Variants in MAP4K4 observed in about 807,000 individuals in gnomAD.
MAP4K4 encodes HPK/GCK-like kinase HGK.
Under a neutral mutation model 189.6 loss-of-function variants are expected in MAP4K4, and 38 were observed. The ratio of observed to expected loss-of-function variants is 0.20; its 90% CI spans 0.15 to 0.26. MAP4K4 has a LOEUF of 0.26. Ranked by LOEUF, MAP4K4 falls within the 10% of genes least tolerant of loss-of-function variation. The pLI is 1.00. For synonymous variants in MAP4K4, 610 were observed against 624.3 expected, an observed-to-expected ratio of 0.98 and a Z score of 0.34; for missense variants, 1,054 against 1,726.9, an observed-to-expected ratio of 0.61 and a Z score of 6.91.
At chr2:101,841,134 A>G (rs1007022746) in intron 10 of MAP4K4, among the ~76,000 whole-genome samples, 10 of 152,078 alleles carry the variant, frequency 6.6e-5, no homozygotes, top group African/African-American at 2.4e-4. Context: ...CATCACCCAC[A>G]TTTTGCAGAT....
intron 2 of MAP4K4, among the ~76,000 whole-genome samples, chr2:101,740,493 A>C (rs2062249594): frequency 6.6e-6 from 1 of 152,122 alleles, no homozygotes; most frequent in African/African-American, 2.4e-5. Context: ...AATCATCATA[A>C]TTTAAAGCCT....
intron 21 of MAP4K4, among the ~76,000 whole-genome samples, chr2:101,869,234 T>C (rs1216204290): frequency 6.6e-6 from 1 of 152,056 alleles, no homozygotes; most frequent in Non-Finnish European, 1.5e-5. Context: ...AAGAAGACTT[T>C]GTCATGTAGG....
intron 27 of MAP4K4, among the ~76,000 whole-genome samples, chr2:101,879,459 A>G (rs1176005039): frequency 6.6e-6 from 1 of 152,160 alleles, no homozygotes. Context: ...CTGTAAGTAT[A>G]TCTCACAAGA....
rs747526348 is a variant in MAP4K4 at position 101,870,430 on chromosome 2, T to C, written c.2760+15T>C. On this transcript the variant is annotated intron_variant, in intron 23 of 32. Transcript: ENST00000324219. ...TCGTCCGCCAGGTACCCGTGTCTTCTCTGTTGTCAGAGGCTGAGCTTCTCC... is the reference window on the plus strand; with the variant it reads ...TCGTCCGCCAGGTACCCGTGTCTTCCCTGTTGTCAGAGGCTGAGCTTCTCC... 2 of 1,613,010 alleles carry C rather than the reference T, an allele frequency of 1.2e-6. No homozygotes were observed. The highest frequency in any genetic ancestry group is 1.1e-5 in the South Asian group (1 of 90,864).
chr2:101,756,207 G>A (rs1433350999), intron 2 of MAP4K4, among the ~76,000 whole-genome samples: 1 of 152,116 alleles, frequency 6.6e-6, no homozygotes, highest in Non-Finnish European at 1.5e-5. Context: ...GCCTCCCAAA[G>A]TGCTGGGATT....
chr2:101,707,690 T>G (rs1344354575), intron 2 of MAP4K4, among the ~76,000 whole-genome samples: 4 of 79,664 alleles, frequency 5.0e-5, no homozygotes, highest in Non-Finnish European at 1.3e-4. Flanking sequence ...GTTTTTTTTT[T>G]TTGTTTTTTT....
In MAP4K4 at chr2:101,859,680, CAG is replaced by C; in HGVS notation, c.1525_1526del (p.Arg509AlafsTer18). 6.2e-7 allele frequency: 1 copy of C among 1,611,778 alleles called. No homozygotes were observed. Among genetic ancestry groups the C allele is most frequent in the Non-Finnish European group, 8.5e-7 (1 of 1,179,098 alleles). ...CGGGAGATGGAGGAGCACCGGCAGG[CAG>C]AGAGGCTCCAGAGGCAGTTGCAACA... On this transcript the variant is annotated frameshift_variant, in exon 15 of 33. Coordinates refer to ENST00000324219, the Ensembl canonical transcript of MAP4K4. LOFTEE classifies it high-confidence loss of function.
At chr2:101,891,627 GC>G (rs1172849168) in exon 33 of MAP4K4, 1 of 173,516 alleles carries the variant, frequency 5.8e-6, no homozygotes, top group African/African-American at 2.4e-5. Context: ...CGATGAACAT[GC>G]CGTTGGTTTT....
In MAP4K4 at chr2:101,887,006, CAG is replaced by C. The variant is rs1229384680; in HGVS notation, c.3622-79_3622-78del. 8 of 1,053,810 alleles carry C rather than the reference CAG, an allele frequency of 7.6e-6. No individual in the cohort carries two copies. The East Asian group carries it at 1.7e-4, about 23-fold the overall frequency. 65.3% of individuals were successfully genotyped at this position (1,053,810 alleles called of 1,614,324 possible). A position where few individuals can be genotyped will look rare whatever the true frequency, so the allele number is the denominator to read the frequency against. On this transcript the variant is annotated intron_variant, in intron 29 of 32. Transcript: ENST00000324219. ...CGCCACTGCACTCCAGCCTGGGTGA[CAG>C]AGCGAGACTCCGTCTCAAAAAAAAA...
intron 12 of MAP4K4, among the ~76,000 whole-genome samples, chr2:101,853,172 C>T (rs1028709425): frequency 2.6e-5 from 4 of 152,188 alleles, no homozygotes; most frequent in Non-Finnish European, 2.9e-5. Context: ...TTTGTCTATA[C>T]AGTCCTTATA....
intron 2 of MAP4K4, among the ~76,000 whole-genome samples, chr2:101,700,566 T>G (rs1158652446): frequency 6.6e-6 from 1 of 152,214 alleles, no homozygotes; most frequent in Non-Finnish European, 1.5e-5. Flanking sequence ...ACATAAAGAC[T>G]AGAGAGCTCA....
chr2:101,704,013 A>C (rs1216231812), intron 2 of MAP4K4, among the ~76,000 whole-genome samples: 1 of 152,192 alleles, frequency 6.6e-6, no homozygotes, highest in East Asian at 1.9e-4. Flanking sequence ...AGACTCCTCC[A>C]AAAAGAAAAA....
chr2:101,709,225 T>C (rs921719226), intron 2 of MAP4K4, among the ~76,000 whole-genome samples: 1 of 152,180 alleles, frequency 6.6e-6, no homozygotes, highest in Non-Finnish European at 1.5e-5. Flanking sequence ...TATTTTGAGA[T>C]GGAGCCTCAC....
intron 2 of MAP4K4, among the ~76,000 whole-genome samples, chr2:101,761,341 A>G (rs1045191416): frequency 6.6e-6 from 1 of 151,966 alleles, no homozygotes; most frequent in Non-Finnish European, 1.5e-5. Context: ...ATGATAGTGT[A>G]GATTGTTTAG....
At chr2:101,843,957 T>G in intron 11 of MAP4K4, 144 bp from the exon 12 acceptor site, 5 of 608,322 alleles carry the variant, frequency 8.2e-6, no homozygotes, top group Non-Finnish European at 1.5e-5. Flanking sequence ...TATAGTCATT[T>G]CTGTGGATGT....
At chr2:101,876,881 G>C in intron 26 of MAP4K4, 122 bp from the exon 27 acceptor site, 1 of 920,202 alleles carries the variant, frequency 1.1e-6, no homozygotes, top group Non-Finnish European at 1.6e-6. Context: ...AAGGATTTCT[G>C]CTTCTGGGTG....
chr2:101,888,958 T>A (rs1015829427), intron 32 of MAP4K4, 23 bp downstream of exon 32: 3 of 1,591,744 alleles, frequency 1.9e-6, no homozygotes, highest in Non-Finnish European at 2.6e-6. Context: ...TTATGGATTC[T>A]TTTTAGTTGC....
At chr2:101,715,286 T>C (rs1270917989) in intron 2 of MAP4K4, among the ~76,000 whole-genome samples, 3 of 152,240 alleles carry the variant, frequency 2.0e-5, no homozygotes, top group African/African-American at 7.2e-5. Flanking sequence ...AGCCTTATTT[T>C]AATTCAGTCA....
chr2:101,715,278 C>T (rs554864592), intron 2 of MAP4K4, among the ~76,000 whole-genome samples: 1 of 152,262 alleles, frequency 6.6e-6, no homozygotes, highest in South Asian at 2.1e-4. Flanking sequence ...ACTCTAACAG[C>T]CTTATTTTAA....
Sources: gnomAD v4.1 joint callset for allele counts (sites outside exome capture counted in the v4.1 genomes callset) on GRCh38, gnomAD v4.1.1 for gene constraint, MANE v1.5 for transcripts, NCBI Gene and HGNC (gene_info 2026-07-23, HGNC 2026-07-21) for gene names.